The following FBXO10 variants were observed in gnomAD, a reference collection of about 807,000 sequenced individuals.
The protein encoded by FBXO10 is F-box protein 10.
In FBXO10, 39 loss-of-function variants were observed where a neutral mutation model predicts 80.7. That is an observed-to-expected ratio of 0.48 (90% confidence interval 0.37 to 0.63). FBXO10 has a LOEUF of 0.63. FBXO10 is among the 30% of genes least tolerant of loss of function. The pLI, the probability that FBXO10 is intolerant of heterozygous loss-of-function variation, is 0.00. For synonymous variants in FBXO10, 449 were observed against 489.6 expected (o/e 0.92, Z 1.09); for missense variants, 1,025 against 1,269.0 (o/e 0.81, Z 2.92).
intron 6 of FBXO10, 33 bp from the exon 7 acceptor site, chr9:37,523,010 C>T (rs1028513726): frequency 7.6e-6 from 12 of 1,572,930 alleles, no homozygotes; most frequent in Non-Finnish European, 8.6e-6. Context: ...AGGTCAGTAC[C>T]CAAGGGCCAG....
At chr9:37,521,182 G>C (rs1821335077) in intron 8 of FBXO10, among the ~76,000 whole-genome samples, 1 of 152,226 alleles carries the variant, frequency 6.6e-6, no homozygotes, top group Admixed American at 6.5e-5. Flanking sequence ...AGGCCTGAGG[G>C]CAAGTTGGGA....
chr9:37,512,134 G>C lies in FBXO10; in HGVS notation c.*413C>G, dbSNP rs1306722301. On this transcript the variant is annotated 3_prime_UTR_variant, in exon 11 of 11. Coordinates refer to ENST00000432825, the MANE Select transcript of FBXO10 (RefSeq NM_012166.3). ...CAGCTCTAGCAAAGGGGAAAATTCT[G>C]GAGCAGTTGTCTCTCTCCACCTCAC... 6.5e-6 allele frequency: 1 copy of C among 154,372 alleles called. No individual in the cohort carries two copies. The highest frequency in any genetic ancestry group is 2.4e-5 in the African/African-American group (1 of 41,500). The allele number at this position is 154,372 out of a possible 1,614,324, so 9.6% of individuals were successfully genotyped here.
intron 4 of FBXO10, among the ~76,000 whole-genome samples, chr9:37,530,047 A>G (rs1029685937): frequency 6.6e-6 from 1 of 152,164 alleles, no homozygotes; most frequent in African/African-American, 2.4e-5. Flanking sequence ...TTTGTGGAAA[A>G]GCCAGATCTG....
In FBXO10 at chr9:37,518,326, C is replaced by A; in HGVS notation, c.2313G>T (p.Val771=). ...TVAQSSQPTR[V]ANNSISCNRQ... is the part of the protein sequence containing the mutation. ...GGTTGCAGGAGATGCTGTTGTTGGC[C>A]ACTCGGGTGGGTTGGCTGCTCTGGG... Residue 771 remains valine (V), a synonymous_variant, in exon 9 of 11, where the codon GTG becomes GTT. Coordinates refer to ENST00000432825, the MANE Select transcript of FBXO10 (RefSeq NM_012166.3). 1 of 1,614,046 alleles carries A rather than the reference C, an allele frequency of 6.2e-7. No homozygotes were observed. The highest frequency in any genetic ancestry group is 2.2e-5 in the East Asian group (1 of 44,878).
At chr9:37,552,585 G>C (rs112586353) in intron 1 of FBXO10, among the ~76,000 whole-genome samples, 1 of 151,648 alleles carries the variant, frequency 6.6e-6, no homozygotes, top group African/African-American at 2.4e-5. Context: ...CCAGCTACTC[G>C]GGAGGCTGAG....
chr9:37,562,759 A>T (rs1204455236), intron 1 of FBXO10, among the ~76,000 whole-genome samples: 1 of 152,242 alleles, frequency 6.6e-6, no homozygotes. Flanking sequence ...TAAAAAAAGA[A>T]GTAAATAAGA....
At chr9:37,575,413 TTAC>T (rs1457889295) in intron 1 of FBXO10, 4 of 152,274 alleles carry the variant, frequency 2.6e-5, no homozygotes, top group Non-Finnish European at 5.9e-5. Context: ...AATCTCTAGC[TTAC>T]TAATAATGCT....
At chr9:37,512,776 G>A (rs1003214530) in intron 10 of FBXO10, 55 bp from the exon 11 acceptor site, 11 of 1,562,294 alleles carry the variant, frequency 7.0e-6, no homozygotes, top group Non-Finnish European at 8.7e-6. Flanking sequence ...AGTGCTGGCT[G>A]AATGCCCTGC....
intron 8 of FBXO10, 46 bp downstream of exon 8, chr9:37,521,523 G>A: frequency 1.4e-6 from 2 of 1,458,168 alleles, no homozygotes; most frequent in Non-Finnish European, 1.8e-6. Context: ...AAGACAGTGG[G>A]GAGCCATGGA....
At chr9:37,521,173 G>C (rs1821334776) in intron 8 of FBXO10, among the ~76,000 whole-genome samples, 3 of 152,234 alleles carry the variant, frequency 2.0e-5, no homozygotes, top group Non-Finnish European at 4.4e-5. Context: ...TGGCTGATGA[G>C]GCCTGAGGGC....
intron 1 of FBXO10, among the ~76,000 whole-genome samples, chr9:37,562,882 GT>G (rs1176442886): frequency 6.6e-6 from 1 of 152,140 alleles, no homozygotes; most frequent in African/African-American, 2.4e-5. Flanking sequence ...ACAAAGATAT[GT>G]CTACCAAAAA....
rs762814305 is a variant in FBXO10 at position 37,541,785 on chromosome 9, G to A, written c.-6-11C>T. 9.7e-6 allele frequency: 15 copies of A among 1,554,036 alleles called. No individual in the cohort carries two copies. In the East Asian group the frequency reaches 3.2e-4, roughly 33 times the overall value. On this transcript the variant is annotated splice_polypyrimidine_tract_variant and intron_variant, in intron 1 of 10. Transcript: ENST00000432825. ...AGCCTCCATGGTCACCTAGGAGACA[G>A]ACACAAAACAAAAGAGATTTCTGTC...
chr9:37,570,902 G>A (rs1278245180), intron 1 of FBXO10, among the ~76,000 whole-genome samples: 3 of 151,832 alleles, frequency 2.0e-5, no homozygotes, highest in Non-Finnish European at 4.4e-5. Flanking sequence ...GCTGAGGCAG[G>A]AGAATCGCTT....
chr9:37,569,682 C>T (rs762967216), intron 1 of FBXO10, among the ~76,000 whole-genome samples: 3 of 152,160 alleles, frequency 2.0e-5, no homozygotes, highest in Non-Finnish European at 4.4e-5. Context: ...TAAAATTATA[C>T]AGCTTCGAGC....
Position 37,529,274 on chromosome 9 carries a change from T to C in FBXO10, c.1570-14A>G, listed in dbSNP as rs1413349392. On this transcript the variant is annotated splice_polypyrimidine_tract_variant and intron_variant, in intron 4 of 10. Transcript: ENST00000432825. ...GATCTGGTTACACTGCAAGTGAAAA[T>C]GAGACACCACAGAAGCCAGATCAGA... 1 of 1,596,958 alleles carries C rather than the reference T, an allele frequency of 6.3e-7. No homozygotes were observed. Among genetic ancestry groups the C allele is most frequent in the Admixed American group, 1.8e-5 (1 of 56,964 alleles).
Position 37,518,265 on chromosome 9 carries a change from C to G in FBXO10, c.2374G>C (p.Val792Leu), listed in dbSNP as rs1231571110. 1 of 1,614,082 alleles carries G rather than the reference C, an allele frequency of 6.2e-7. No homozygotes were observed. Among genetic ancestry groups the G allele is most frequent in the South Asian group, 1.1e-5 (1 of 91,090 alleles). Reference protein sequence around the residue: ...SGVKVEAQCKVELRGNGIYDN... With the variant: ...SGVKVEAQCKLELRGNGIYDN... Reference sequence around the variant, plus strand: ...TAGATACCATTGCCCCGGAGCTCCACTTTGCACTGGGCCTCAACCTTGACC... The same window carrying G: ...TAGATACCATTGCCCCGGAGCTCCAGTTTGCACTGGGCCTCAACCTTGACC... Residue 792 changes from valine to leucine, a missense_variant, in exon 9 of 11, where the codon GTG (valine) becomes CTG (leucine). Around this residue, in one of 3 missense-constraint regions of FBXO10, gnomAD observed 478 missense variants for 667.8 expected, o/e 0.72. Coordinates refer to ENST00000432825, the MANE Select transcript of FBXO10 (RefSeq NM_012166.3).
chr9:37,563,373 G>T (rs538585649), intron 1 of FBXO10, among the ~76,000 whole-genome samples: 1 of 152,310 alleles, frequency 6.6e-6, no homozygotes, highest in South Asian at 2.1e-4. Flanking sequence ...CCTGAAATGT[G>T]GAAGCGACTT....
At chr9:37,514,562 G>A (rs561048555) in intron 10 of FBXO10, among the ~76,000 whole-genome samples, 11 of 152,144 alleles carry the variant, frequency 7.2e-5, no homozygotes, top group African/African-American at 1.4e-4. Flanking sequence ...CCGGTGAGGC[G>A]CGGTGGCTCA....
intron 4 of FBXO10, among the ~76,000 whole-genome samples, chr9:37,531,386 T>C (rs572758506): frequency 6.6e-6 from 1 of 152,338 alleles, no homozygotes; most frequent in East Asian, 1.9e-4. Context: ...GAAAAGGAGC[T>C]GGTCTCTCGT....
Sources: gnomAD v4.1 joint callset for allele counts (sites outside exome capture counted in the v4.1 genomes callset) on GRCh38, gnomAD v4.1.1 for gene constraint, gnomAD v4.1.1 regional missense constraint, MANE v1.5 for transcripts, NCBI Gene and HGNC (gene_info 2026-07-23, HGNC 2026-07-21) for gene names.